GRM5: variants seen among roughly 807,000 people sequenced by gnomAD.
GRM5 encodes metabotropic glutamate receptor 5.
GRM5 carries 19 observed loss-of-function variants against 83.1 expected under a neutral mutation model. The ratio of observed to expected loss-of-function variants is 0.23; its 90% CI spans 0.16 to 0.34. The LOEUF (loss-of-function observed/expected upper bound fraction) is 0.34, where lower values mean the gene tolerates loss of function less well. Ranked by LOEUF, GRM5 falls within the 10% of genes least tolerant of loss-of-function variation. The pLI is 1.00. For missense variants in GRM5, 1,160 were observed against 1,588.3 expected, an observed-to-expected ratio of 0.73 and a Z score of 4.58; for synonymous variants, 675 against 633.6, an observed-to-expected ratio of 1.07 and a Z score of -0.98.
At chr11:88,605,031 G>C in intron 4 of GRM5, 67 bp from the exon 5 acceptor site, 1 of 1,287,342 alleles carries the variant, frequency 7.8e-7, no homozygotes, top group Non-Finnish European at 1.1e-6. Flanking sequence ...CCTGGGTACT[G>C]AATAATGGGT....
At chr11:88,918,095 C>T (rs1945624495) in intron 2 of GRM5, among the ~76,000 whole-genome samples, 1 of 151,494 alleles carries the variant, frequency 6.6e-6, no homozygotes, top group East Asian at 1.9e-4. Context: ...AAAAAAGAAA[C>T]AACATACAAA....
chr11:88,878,034 G>T (rs1565273488), intron 2 of GRM5, among the ~76,000 whole-genome samples: 1 of 151,208 alleles, frequency 6.6e-6, no homozygotes, highest in Non-Finnish European at 1.5e-5. Flanking sequence ...GAAAGAGAAG[G>T]AAAGTAAAAT....
rs1355336770 is a variant in GRM5, at chr11:88,680,201, AT to A, written c.912-26799del. 4.6e-5 allele frequency among the ~76,000 whole-genome samples: 7 copies of A among 152,282 alleles called. No homozygotes were observed. The South Asian group carries it at 1.5e-3, about 32-fold the overall frequency. ...ACCCAATAACTTACTCGACATTTACATTAGGTATATCTCCTAATGCTATCCC... is the reference window on the plus strand; with the variant it reads ...ACCCAATAACTTACTCGACATTTACATAGGTATATCTCCTAATGCTATCCC... On this transcript the variant is annotated intron_variant, in intron 3 of 9. Coordinates refer to ENST00000305447, the MANE Select transcript of GRM5 (RefSeq NM_001143831.3).
chr11:88,719,995 G>A (rs777308810), intron 3 of GRM5, among the ~76,000 whole-genome samples: 3 of 151,896 alleles, frequency 2.0e-5, no homozygotes, highest in Non-Finnish European at 2.9e-5. Context: ...TTGCAAAAAT[G>A]TTCTCCCATT....
chr11:88,911,787 C>T (rs1945503999), intron 2 of GRM5: 1 of 277,124 alleles, frequency 3.6e-6, no homozygotes, highest in South Asian at 3.4e-5. Flanking sequence ...GGGCTCTGTG[C>T]TCACTGTGCT....
At chr11:88,779,552 T>G (rs1363201002) in intron 3 of GRM5, among the ~76,000 whole-genome samples, 1 of 152,122 alleles carries the variant, frequency 6.6e-6, no homozygotes, top group East Asian at 1.9e-4. Context: ...TCTGTGCTCT[T>G]TCAGAAACAA....
At chr11:88,776,768 C>T (rs1194215267) in intron 3 of GRM5, among the ~76,000 whole-genome samples, 2 of 152,094 alleles carry the variant, frequency 1.3e-5, no homozygotes, top group Admixed American at 6.6e-5. Context: ...ATATTGGCCC[C>T]CACTCTCTTC....
At chr11:88,617,707 G>A (rs1044905350) in intron 4 of GRM5, among the ~76,000 whole-genome samples, 1 of 152,148 alleles carries the variant, frequency 6.6e-6, no homozygotes, top group Non-Finnish European at 1.5e-5. Flanking sequence ...GTGACCAAAG[G>A]AACTGTATCC....
intron 4 of GRM5, among the ~76,000 whole-genome samples, chr11:88,630,291 T>C (rs1938926654): frequency 6.6e-6 from 1 of 152,168 alleles, no homozygotes; most frequent in Non-Finnish European, 1.5e-5. Flanking sequence ...AAGGCAAGAA[T>C]TTTTGTCTGT....
At chr11:88,802,836 T>G (rs375067074) in intron 3 of GRM5, among the ~76,000 whole-genome samples, 54 of 151,600 alleles carry the variant, frequency 3.6e-4, no homozygotes, top group Middle Eastern at 6.8e-3. Context: ...CTTCAGCAAA[T>G]TCTCAGGATA....
intron 3 of GRM5, among the ~76,000 whole-genome samples, chr11:88,722,403 G>A (rs967803906): frequency 1.8e-4 from 28 of 152,062 alleles, no homozygotes; most frequent in Admixed American, 1.8e-3. Flanking sequence ...CTGTGACTGC[G>A]TTTTCAACAC....
chr11:88,515,828 C>T (rs1245211628), intron 9 of GRM5, among the ~76,000 whole-genome samples: 2 of 152,204 alleles, frequency 1.3e-5, no homozygotes, highest in Non-Finnish European at 2.9e-5. Context: ...GAAGCTGCTG[C>T]AGTCAGGAAG....
Position 88,590,674 on chromosome 11 carries a change from C to G in GRM5, c.1617G>C (p.Glu539Asp). 3.1e-6 allele frequency: 5 copies of G among 1,609,036 alleles called. No homozygotes were observed. The highest frequency in any genetic ancestry group is 4.3e-6 in the Non-Finnish European group (5 of 1,175,430). ...SCCWTCTPCK[E>D]NEYVFDEYTC... ...TGTACTCATCAAAGACATACTCATT[C>G]TCCTTACAAGGTGTACAGGTCCAAC... is the stretch of plus-strand genomic sequence containing the variant. Residue 539 changes from glutamate (E) to aspartate (D), a missense_variant, in exon 7 of 10, where the codon GAG becomes GAC. This residue lies in a region of GRM5 where 132 missense variants were observed against 245.5 expected (regional missense o/e 0.54). Coordinates refer to ENST00000305447, the MANE Select transcript of GRM5 (RefSeq NM_001143831.3).
intron 2 of GRM5, among the ~76,000 whole-genome samples, chr11:88,917,527 TA>T (rs1203841781): frequency 1.3e-5 from 2 of 152,170 alleles, no homozygotes; most frequent in Non-Finnish European, 2.9e-5. Context: ...GTGACAGAGA[TA>T]TGTGACCTTT....
intron 3 of GRM5, among the ~76,000 whole-genome samples, chr11:88,799,627 C>T (rs1442363870): frequency 6.6e-6 from 1 of 152,066 alleles, no homozygotes; most frequent in African/African-American, 2.4e-5. Flanking sequence ...ACACACTCAT[C>T]ATCTTTAATG....
chr11:88,583,114 GCA>G (rs1001121517), intron 7 of GRM5, among the ~76,000 whole-genome samples: 10 of 145,760 alleles, frequency 6.9e-5, no homozygotes, highest in Admixed American at 6.8e-5. Context: ...TTATTAAAAG[GCA>G]AAAAAAAAAA....
intron 4 of GRM5, among the ~76,000 whole-genome samples, chr11:88,645,363 T>C (rs1939416592): frequency 6.6e-6 from 1 of 152,122 alleles, no homozygotes; most frequent in African/African-American, 2.4e-5. Context: ...AGAGTGTGAA[T>C]TCATTGGAAC....
intron 2 of GRM5, among the ~76,000 whole-genome samples, chr11:88,919,464 A>G (rs1240571875): frequency 6.6e-6 from 1 of 151,332 alleles, no homozygotes; most frequent in African/African-American, 2.4e-5. Context: ...AGGCTTCACC[A>G]TCCCACTTGC....
chr11:88,557,106 C>T (rs947050534), intron 8 of GRM5, among the ~76,000 whole-genome samples: 1 of 152,038 alleles, frequency 6.6e-6, no homozygotes, highest in Non-Finnish European at 1.5e-5. Context: ...GCGTTTGAAT[C>T]CTAAATTTTG....
Sources: gnomAD v4.1 joint callset for allele counts (sites outside exome capture counted in the v4.1 genomes callset) on GRCh38, gnomAD v4.1.1 for gene constraint, gnomAD v4.1.1 regional missense constraint, MANE v1.5 for transcripts, NCBI Gene and HGNC (gene_info 2026-07-23, HGNC 2026-07-21) for gene names.